TRPS1: variants seen among roughly 807,000 people sequenced by gnomAD.
TRPS1 encodes zinc finger transcription factor Trps1.
In TRPS1, 6 loss-of-function variants were observed where a neutral mutation model predicts 101.2. The ratio of observed to expected loss-of-function variants is 0.06; its 90% CI spans 0.03 to 0.12. TRPS1 has a LOEUF of 0.12. Among genes scored for constraint, TRPS1 ranks in the 10% least tolerant of loss-of-function variants. The probability of loss-of-function intolerance (pLI) is 1.00; values close to 1 mark genes in which losing one functional copy is unlikely to be tolerated. For missense variants in TRPS1, 1,363 were observed against 1,567.0 expected (o/e 0.87, Z 2.20); for synonymous variants, 578 against 589.8 (o/e 0.98, Z 0.29).
chr8:115,604,626 C>G lies in TRPS1; in HGVS notation c.1343G>C (p.Trp448Ser), dbSNP rs752116673. Residue 448 changes from tryptophan (W) to serine (S), a missense_variant, in exon 4 of 7, where the codon TGG becomes TCG. Around this residue, in one of 5 missense-constraint regions of TRPS1, gnomAD observed 1,020 missense variants for 1,073.0 expected, o/e 0.95. Transcript: ENST00000395715. The surrounding 1 kb of genome is among the most constrained non-coding windows in gnomAD (Gnocchi z 4.1). ...QNGTEATSYY[W>S]CKFCSFSCES... Reference sequence around the variant, plus strand: ...ACAGCTGAAACTACAAAATTTACACCAGTAGTAACTGGTGGCCTCTGTACC... The same window carrying G: ...ACAGCTGAAACTACAAAATTTACACGAGTAGTAACTGGTGGCCTCTGTACC... 2 of 1,613,918 alleles carry G rather than the reference C, an allele frequency of 1.2e-6. No homozygotes were observed. Among genetic ancestry groups the G allele is most frequent in the Non-Finnish European group, 8.5e-7 (1 of 1,179,978 alleles).
chr8:115,459,080 G>C (rs1244009020), intron 5 of TRPS1, among the ~76,000 whole-genome samples: 1 of 152,158 alleles, frequency 6.6e-6, no homozygotes, highest in African/African-American at 2.4e-5. Context: ...GCTCATGCCT[G>C]TAATCCCAGC....
At chr8:115,600,378 T>C (rs1329368741) in intron 4 of TRPS1, among the ~76,000 whole-genome samples, 1 of 152,186 alleles carries the variant, frequency 6.6e-6, no homozygotes, top group Non-Finnish European at 1.5e-5. Context: ...TCTATCAATA[T>C]CTTGGAGGTA....
In TRPS1 at chr8:115,414,743, A is replaced by T. The variant is rs1457349237; in HGVS notation, c.3165T>A (p.Pro1055=). The T allele has an allele frequency of 6.2e-7, 1 of 1,614,034 alleles. No homozygotes were observed. The highest frequency in any genetic ancestry group is 8.5e-7 in the Non-Finnish European group (1 of 1,179,942). The change falls in exon 7 of 7, where the codon CCT becomes CCA. Residue 1055 remains proline (P), a synonymous_variant. Transcript: ENST00000395715. This position sits in a 1 kb window ranked among gnomAD's most constrained non-coding sequence, Gnocchi z 4.8. ...TTCCTGGATCTCCAGTACTTTCCTG[A>T]GGACTTTTTATCTGAATGTGCAAAG... The part of the protein sequence containing the change: ...MQPLHIQIKS[P]QESTGDPGNS...
At chr8:115,621,363 G>A (rs78970394) in intron 2 of TRPS1, among the ~76,000 whole-genome samples, 13 of 152,060 alleles carry the variant, frequency 8.5e-5, no homozygotes, top group African/African-American at 7.2e-5. Context: ...TAGTTATACC[G>A]CAATTATCCA....
chr8:115,510,799 T>C (rs554077067), intron 5 of TRPS1, among the ~76,000 whole-genome samples: 9 of 152,076 alleles, frequency 5.9e-5, no homozygotes, highest in Admixed American at 5.9e-4. Context: ...TGAAGCGTTT[T>C]GTGGAAGGCT....
intron 1 of TRPS1, among the ~76,000 whole-genome samples, chr8:115,651,375 G>A (rs1448327383): frequency 1.3e-5 from 2 of 152,100 alleles, no homozygotes; most frequent in Non-Finnish European, 2.9e-5. Flanking sequence ...ATATATTAGG[G>A]CAAACATCAA....
At chr8:115,607,662 T>C (rs2130501516) in intron 3 of TRPS1, among the ~76,000 whole-genome samples, 2 of 151,660 alleles carry the variant, frequency 1.3e-5, no homozygotes, top group East Asian at 3.9e-4. Context: ...ATAATATTAG[T>C]ATTATATATT....
intron 3 of TRPS1, among the ~76,000 whole-genome samples, chr8:115,608,110 G>A (rs910237911): frequency 6.6e-6 from 1 of 152,134 alleles, no homozygotes; most frequent in Non-Finnish European, 1.5e-5. Context: ...TCAAATGGCT[G>A]AATCCATCAC....
At chr8:115,497,851 T>C (rs1239801679) in intron 5 of TRPS1, among the ~76,000 whole-genome samples, 6 of 152,196 alleles carry the variant, frequency 3.9e-5, no homozygotes, top group African/African-American at 1.4e-4. Context: ...TCAGGTGCAT[T>C]CTTGTGATAT....
intron 5 of TRPS1, among the ~76,000 whole-genome samples, chr8:115,527,844 G>A (rs929193984): frequency 3.3e-5 from 5 of 151,930 alleles, no homozygotes; most frequent in Non-Finnish European, 5.9e-5. Flanking sequence ...AATAAAAATC[G>A]AACGGTCATG....
At chr8:115,565,397 G>A (rs2130380186) in intron 5 of TRPS1, among the ~76,000 whole-genome samples, 1 of 152,134 alleles carries the variant, frequency 6.6e-6, no homozygotes, top group Non-Finnish European at 1.5e-5. Flanking sequence ...AGGAACATCT[G>A]AATGGTTCAT....
intron 5 of TRPS1, among the ~76,000 whole-genome samples, chr8:115,514,281 T>C (rs1815655480): frequency 6.6e-6 from 1 of 151,652 alleles, no homozygotes; most frequent in African/African-American, 2.4e-5. Context: ...GCCCCAAATC[T>C]AGTTTTAGGT....
chr8:115,524,496 T>G (rs1563574259), intron 5 of TRPS1, among the ~76,000 whole-genome samples: 2 of 151,936 alleles, frequency 1.3e-5, no homozygotes, highest in Non-Finnish European at 2.9e-5. Context: ...AATTTTTGTA[T>G]TTTTAGTAGA....
intron 5 of TRPS1, among the ~76,000 whole-genome samples, chr8:115,586,497 T>C (rs1563623336): frequency 1.3e-5 from 2 of 152,176 alleles, no homozygotes; most frequent in Non-Finnish European, 2.9e-5. Context: ...ACAAGCATTG[T>C]CATTTATACA....
intron 5 of TRPS1, among the ~76,000 whole-genome samples, chr8:115,467,850 G>A (rs186316986): frequency 6.6e-6 from 1 of 152,240 alleles, no homozygotes; most frequent in African/African-American, 2.4e-5. Flanking sequence ...TCCCCAGGTT[G>A]ATCATAACCT....
Position 115,631,076 on chromosome 8 carries a change from T to A in TRPS1, c.-121-7318A>T, listed in dbSNP as rs533126157. On this transcript the variant is annotated intron_variant, in intron 1 of 6. Coordinates refer to ENST00000395715, the MANE Select transcript of TRPS1 (RefSeq NM_014112.5). ...CCTAACTTTCGAATCTGCCTCATAA[T>A]GCCTAACACATCACCAACATTACCA... 5.3e-5 allele frequency among the ~76,000 whole-genome samples: 8 copies of A among 152,170 alleles called. 1 individual carries two copies. The East Asian group carries it at 1.5e-3, about 29-fold the overall frequency.
chr8:115,489,273 T>C (rs1043701463), intron 5 of TRPS1, among the ~76,000 whole-genome samples: 10 of 152,322 alleles, frequency 6.6e-5, no homozygotes, highest in Admixed American at 2.0e-4. Flanking sequence ...GTAGCCACAT[T>C]GTCCAGTTAC....
chr8:115,501,615 T>A (rs1245552368), intron 5 of TRPS1, among the ~76,000 whole-genome samples: 3 of 152,194 alleles, frequency 2.0e-5, no homozygotes, highest in Non-Finnish European at 4.4e-5. Flanking sequence ...AAAATCATTA[T>A]CACTATACAG....
intron 2 of TRPS1, among the ~76,000 whole-genome samples, chr8:115,620,490 T>C (rs1818370171): frequency 1.3e-5 from 2 of 152,180 alleles, no homozygotes; most frequent in South Asian, 4.1e-4. Context: ...TACATATATG[T>C]GTTTATGGTT....
Sources: gnomAD v4.1 joint callset for allele counts (sites outside exome capture counted in the v4.1 genomes callset) on GRCh38, gnomAD v4.1.1 for gene constraint, gnomAD v4.1.1 regional missense constraint, Gnocchi (gnomAD v3.1) non-coding constraint, MANE v1.5 for transcripts, NCBI Gene and HGNC (gene_info 2026-07-23, HGNC 2026-07-21) for gene names.